Variants in CELF1 observed in about 807,000 individuals in gnomAD.
CELF1 encodes CUGBP Elav-like family member 1, also known as 50 kDa nuclear polyadenylated RNA-binding protein.
Under a neutral mutation model 61.8 loss-of-function variants are expected in CELF1, and 10 were observed. The observed-to-expected ratio is 0.16, with a 90% CI of 0.10 to 0.27. CELF1 has a LOEUF of 0.27. CELF1 is among the 10% of genes least tolerant of loss of function. CELF1 has a pLI of 1.00. For synonymous variants in CELF1, 236 were observed against 225.1 expected (o/e 1.05, Z -0.43); for missense variants, 380 against 639.1 (o/e 0.59, Z 4.37).
At position 47,563,215 on chromosome 11, in the gene CELF1, T is replaced by C. The variant is rs1295493093; in HGVS notation, c.-11+1136A>G. Among the ~76,000 whole-genome samples, 5 of 150,772 alleles carry C rather than the reference T, an allele frequency of 3.3e-5. 1 individual carries two copies. The highest frequency in any genetic ancestry group is 7.4e-5 in the Non-Finnish European group (5 of 67,784). The stretch of plus-strand genomic sequence containing the variant: ...GCCTGGGTGACAGTGAGACCCTGTT[T>C]CCTAGAAAAAAAAAAAAGAAAAGTA... On this transcript the variant is annotated intron_variant, in intron 2 of 3. Coordinates refer to the CELF1 transcript ENST00000525841.
intron 1 of CELF1, among the ~76,000 whole-genome samples, chr11:47,532,208 G>T (rs7121406): frequency 1 from 151,573 of 152,250 alleles, 75,453 homozygotes; most frequent in Middle Eastern, 1. Flanking sequence ...TTTTTGTATT[G>T]TTAGTAGAGA....
chr11:47,552,093 A>C (rs2097152901), intron 1 of CELF1, among the ~76,000 whole-genome samples: 1 of 152,110 alleles, frequency 6.6e-6, no homozygotes, highest in South Asian at 2.1e-4. Context: ...ATTATAAAGC[A>C]TTTCATGCTC....
chr11:47,555,763 T>A (rs1175165318), upstream of CELF1, among the ~76,000 whole-genome samples: 1 of 152,066 alleles, frequency 6.6e-6, no homozygotes, highest in African/African-American at 2.4e-5. Context: ...ATCCTAGCAC[T>A]TTGGGAGGCC....
chr11:47,482,173 C>T (rs543202925), intron 9 of CELF1, among the ~76,000 whole-genome samples: 1 of 151,780 alleles, frequency 6.6e-6, no homozygotes, highest in Non-Finnish European at 1.5e-5. Context: ...TGCACTCTAG[C>T]CTGGGTGACA....
intron 1 of CELF1, among the ~76,000 whole-genome samples, chr11:47,508,366 C>CT (rs1387696837): frequency 6.6e-6 from 1 of 152,100 alleles, no homozygotes; most frequent in African/African-American, 2.4e-5. Context: ...CTTCCACCCT[C>CT]TGAGACGAGA....
At chr11:47,542,860 C>T (rs748985337) in intron 1 of CELF1, among the ~76,000 whole-genome samples, 1 of 152,014 alleles carries the variant, frequency 6.6e-6, no homozygotes, top group African/African-American at 2.4e-5. Flanking sequence ...GGGCTGGGTG[C>T]GGCAGCTCAC....
intron 10 of CELF1, 126 bp from the exon 11 acceptor site, chr11:47,477,551 A>G: frequency 1.1e-6 from 1 of 909,560 alleles, no homozygotes; most frequent in South Asian, 1.7e-5. Context: ...GATAAGCCTT[A>G]CAAACAACAT....
At chr11:47,489,141 C>G in intron 3 of CELF1, 117 bp from the exon 4 acceptor site, 1 of 853,610 alleles carries the variant, frequency 1.2e-6, no homozygotes, top group South Asian at 2.2e-5. Context: ...AAATCTACTT[C>G]TTTCACTACT....
At position 47,470,753 on chromosome 11, in the gene CELF1, T is replaced by C. The variant is rs756079955; in HGVS notation, c.*1477A>G. The C allele has an allele frequency of 1.3e-5, 2 of 152,176 alleles. No individual in the cohort carries two copies. The highest frequency in any genetic ancestry group is 2.9e-5 in the Non-Finnish European group (2 of 68,066). 9.4% of individuals were successfully genotyped at this position (152,176 alleles called of 1,614,324 possible). ...ATCCCTGGCTGTGGCTACAGTCACATCTTAACAGGGCCACCTCTGCCCAGG... is the reference window on the plus strand; with the variant it reads ...ATCCCTGGCTGTGGCTACAGTCACACCTTAACAGGGCCACCTCTGCCCAGG... On this transcript the variant is annotated 3_prime_UTR_variant, in exon 15 of 15. Transcript: ENST00000687097.
chr11:47,541,727 AACG>A (rs1246194257), intron 1 of CELF1, among the ~76,000 whole-genome samples: 267 of 7,702 alleles, frequency 0.035, 11 homozygotes, highest in African/African-American at 0.073. Flanking sequence ...AGAAAGAAAG[AACG>A]AAAGAAAGAA....
Position 47,544,613 on chromosome 11 carries a change from A to C in CELF1, c.-154+8379T>G, listed in dbSNP as rs190792552. ...AGACTTAATTCTCCAGATTTTCATCAAAATTTTCTTATTTCTATTTTATTT... is the reference window on the plus strand; with the variant it reads ...AGACTTAATTCTCCAGATTTTCATCCAAATTTTCTTATTTCTATTTTATTT... On this transcript the variant is annotated intron_variant, in intron 1 of 14. Transcript: ENST00000687097. 5.8e-3 allele frequency among the ~76,000 whole-genome samples: 887 copies of C among 152,330 alleles called. 7 individuals carry two copies. Among genetic ancestry groups the C allele is most frequent in the Non-Finnish European group, 7.1e-3 (480 of 68,024 alleles).
intron 8 of CELF1, 65 bp from the exon 9 acceptor site, chr11:47,482,921 T>C: frequency 6.8e-7 from 1 of 1,466,190 alleles, no homozygotes; most frequent in Non-Finnish European, 9.4e-7. Flanking sequence ...AAAATCTTCC[T>C]TTTGGATGAC....
chr11:47,558,439 TTA>T (rs564492811), intron 2 of CELF1, among the ~76,000 whole-genome samples: 24 of 131,012 alleles, frequency 1.8e-4, no homozygotes, highest in East Asian at 1.2e-3. Context: ...CATATATATA[TTA>T]TATATATATA....
chr11:47,488,789 T>C (rs1301049955), intron 4 of CELF1, 48 bp downstream of exon 4: 2 of 1,369,160 alleles, frequency 1.5e-6, no homozygotes. Flanking sequence ...TCACCTGCTC[T>C]GAGAGTCAGT....
chr11:47,552,799 G>T (rs1598710295), intron 1 of CELF1, among the ~76,000 whole-genome samples, 193 bp downstream of exon 1: 1 of 152,300 alleles, frequency 6.6e-6, no homozygotes, highest in Admixed American at 6.5e-5. Flanking sequence ...CAGGACCCGG[G>T]GAGCCGGGGA....
intron 1 of CELF1, among the ~76,000 whole-genome samples, chr11:47,551,328 G>A (rs908206500): frequency 6.6e-6 from 1 of 152,162 alleles, no homozygotes; most frequent in Non-Finnish European, 1.5e-5. Flanking sequence ...ACCACTAGGG[G>A]AACCATAACC....
chr11:47,517,654 A>G (rs931040407), intron 1 of CELF1, among the ~76,000 whole-genome samples: 8 of 151,606 alleles, frequency 5.3e-5, no homozygotes, highest in African/African-American at 1.9e-4. Context: ...TATTCTACAG[A>G]AATTTTTTTT....
In CELF1 at chr11:47,482,853, A is replaced by T; in HGVS notation, c.610T>A (p.Cys204Ser). 6.2e-7 allele frequency: 1 copy of T among 1,613,176 alleles called. No homozygotes were observed. Among genetic ancestry groups the T allele is most frequent in the South Asian group, 1.1e-5 (1 of 90,946 alleles). The change falls in exon 9 of 15, where the codon TGC becomes AGC. Residue 204 changes from cysteine to serine, a missense_variant. Cys to Ser is a moderately radical substitution (Grantham distance 112). Coordinates refer to ENST00000687097, the MANE Select transcript of CELF1 (RefSeq NM_001376376.1). ...AMHQAQTMEG[C>S]SSPMVVKFAD... ...AATTTTACCACCATGGGTGATGAGC[A>T]ACCCTGTGAAAAGACCATAACGAAA...
At chr11:47,559,364 CT>C (rs112399460) in intron 2 of CELF1, among the ~76,000 whole-genome samples, 163 of 138,492 alleles carry the variant, frequency 1.2e-3, no homozygotes, top group Non-Finnish European at 9.6e-4. Flanking sequence ...TTCGCCTGGC[CT>C]TTTTTTTTTT....
Sources: gnomAD v4.1 joint callset for allele counts (sites outside exome capture counted in the v4.1 genomes callset) on GRCh38, gnomAD v4.1.1 for gene constraint, MANE v1.5 for transcripts, NCBI Gene and HGNC (gene_info 2026-07-23, HGNC 2026-07-21) for gene names.